DNAJC11: variants seen among roughly 807,000 people sequenced by gnomAD.
DNAJC11 encodes the protein DnaJ heat shock protein family (Hsp40) member C11, also known as dnaJ homolog subfamily C member 11.
Under a neutral mutation model 78.6 loss-of-function variants are expected in DNAJC11, and 15 were observed. That is an observed-to-expected ratio of 0.19 (90% CI 0.13 to 0.29). The LOEUF is 0.29. DNAJC11 is among the 10% of genes least tolerant of loss of function. DNAJC11 has a pLI of 1.00. For missense variants in DNAJC11, 547 were observed against 709.6 expected (o/e 0.77, Z 2.60); for synonymous variants, 292 against 272.1 (o/e 1.07, Z -0.72).
chr1:6,655,799 ACT>A (rs554826843), intron 4 of DNAJC11, among the ~76,000 whole-genome samples: 267 of 151,860 alleles, frequency 1.8e-3, no homozygotes, highest in African/African-American at 6.1e-3. Flanking sequence ...ACAGAGCAAG[ACT>A]CTGTCTCAAA....
intron 4 of DNAJC11, among the ~76,000 whole-genome samples, chr1:6,661,280 GT>G (rs1401700023): frequency 2.0e-5 from 3 of 152,176 alleles, no homozygotes; most frequent in Non-Finnish European, 4.4e-5. Context: ...AAATTCACCT[GT>G]TTTATAACTG....
At position 6,689,599 on chromosome 1, in the gene DNAJC11, C is replaced by G. The variant is rs1160254295; in HGVS notation, c.73-8562G>C. 2.0e-5 allele frequency among the ~76,000 whole-genome samples: 3 copies of G among 152,010 alleles called. 1 individual carries two copies. The highest frequency in any genetic ancestry group is 7.3e-5 in the African/African-American group (3 of 41,376). On this transcript the variant is annotated intron_variant, in intron 1 of 15. Transcript: ENST00000377577. ...GGTTGGGAGTTCCAGACCAGCTTGA[C>G]CAACATGGAGAAACCCTGTCTCTGG...
intron 4 of DNAJC11, among the ~76,000 whole-genome samples, chr1:6,663,556 A>G (rs1642250499): frequency 6.6e-6 from 1 of 152,246 alleles, no homozygotes; most frequent in African/African-American, 2.4e-5. Context: ...AGAAATGCGG[A>G]TGGATTATGC....
intron 3 of DNAJC11, among the ~76,000 whole-genome samples, chr1:6,668,391 G>A (rs559636722): frequency 6.6e-6 from 1 of 152,054 alleles, no homozygotes; most frequent in African/African-American, 2.4e-5. Context: ...CACCCACCTC[G>A]GCCTCCGGAA....
At chr1:6,643,564 A>C (rs561803269) in intron 10 of DNAJC11, among the ~76,000 whole-genome samples, 214 of 152,188 alleles carry the variant, frequency 1.4e-3, no homozygotes, top group African/African-American at 3.9e-3. Context: ...TGTGAGCCAC[A>C]GTGCCCGGCC....
intron 1 of DNAJC11, among the ~76,000 whole-genome samples, chr1:6,691,272 G>A (rs1011379688): frequency 1.4e-5 from 2 of 145,588 alleles, no homozygotes; most frequent in African/African-American, 5.0e-5. Flanking sequence ...CACACATCTC[G>A]GCTACAATCA....
intron 12 of DNAJC11, 181 bp from the exon 13 acceptor site, chr1:6,637,685 T>C: frequency 1.5e-6 from 1 of 663,640 alleles, no homozygotes; most frequent in Non-Finnish European, 2.6e-6. Context: ...CTCCTAGACC[T>C]AGGGCAGGCA....
At chr1:6,693,472 C>T (rs1192433545) in intron 1 of DNAJC11, among the ~76,000 whole-genome samples, 1 of 152,170 alleles carries the variant, frequency 6.6e-6, no homozygotes, top group Non-Finnish European at 1.5e-5. Context: ...CAAACTCCAT[C>T]TCCCGGGTTC....
chr1:6,648,617 T>C (rs188443758), intron 7 of DNAJC11, among the ~76,000 whole-genome samples: 5 of 152,074 alleles, frequency 3.3e-5, no homozygotes, highest in African/African-American at 1.2e-4. Flanking sequence ...CTACCACACC[T>C]GGTTAATTTT....
chr1:6,669,548 A>AAGAAAAGAAG (rs1161894110), intron 3 of DNAJC11, among the ~76,000 whole-genome samples: 5 of 151,598 alleles, frequency 3.3e-5, no homozygotes, highest in African/African-American at 1.2e-4. Flanking sequence ...AAGAAAAGAA[A>AAGAAAAGAAG]AGAAAAGAAA....
intron 3 of DNAJC11, among the ~76,000 whole-genome samples, chr1:6,668,452 T>A (rs965980641): frequency 6.6e-6 from 1 of 152,168 alleles, no homozygotes; most frequent in Admixed American, 6.5e-5. Context: ...TTAAATTTCA[T>A]AGTGTAAATT....
intron 15 of DNAJC11, 99 bp downstream of exon 15, chr1:6,636,018 C>T (rs1356813667): frequency 1.7e-5 from 25 of 1,475,576 alleles, no homozygotes; most frequent in Non-Finnish European, 2.3e-5. Flanking sequence ...AGGTGGGCAG[C>T]TGAGGAAGGT....
At position 6,698,553 on chromosome 1, in the gene DNAJC11, C is replaced by T. The variant is rs571328472; in HGVS notation, c.72+3176G>A. 2.0e-5 allele frequency among the ~76,000 whole-genome samples: 3 copies of T among 151,320 alleles called. No individual in the cohort carries two copies. In the South Asian group the frequency reaches 6.3e-4, roughly 32 times the overall value. ...ACAGAAAGTGACTTCTGCAAGGGAG[C>T]ATGTTTCATATGGATTTAACCTATA... is the stretch of plus-strand genomic sequence containing the variant. On this transcript the variant is annotated intron_variant, in intron 1 of 15. Coordinates refer to ENST00000377577, the MANE Select transcript of DNAJC11 (RefSeq NM_018198.4).
chr1:6,669,530 G>T (rs1642344915), intron 3 of DNAJC11, among the ~76,000 whole-genome samples: 1 of 144,992 alleles, frequency 6.9e-6, no homozygotes, highest in Non-Finnish European at 1.5e-5. Flanking sequence ...GAAAAGAAAA[G>T]AAAAGAAAAG....
Position 6,655,909 on chromosome 1 carries a change from A to G in DNAJC11, c.379-1870T>C, listed in dbSNP as rs1013868036. On this transcript the variant is annotated intron_variant, in intron 4 of 15. Transcript: ENST00000377577. ...ACGAAGTCAGGAGTTTGAGACCAAC[A>G]TGACCAACATGGTGAAACCCCATCT... is the stretch of plus-strand genomic sequence containing the variant. Among the ~76,000 whole-genome samples the G allele has an allele frequency of 7.2e-5, 11 of 152,024 alleles. No individual in the cohort carries two copies. The East Asian group carries it at 9.7e-4, about 13-fold the overall frequency.
intron 1 of DNAJC11, among the ~76,000 whole-genome samples, chr1:6,689,010 A>C (rs1015827162): frequency 6.6e-5 from 10 of 152,194 alleles, no homozygotes; most frequent in African/African-American, 2.4e-4. Context: ...CATCACCACA[A>C]AGTAGCCAGA....
intron 1 of DNAJC11, among the ~76,000 whole-genome samples, chr1:6,692,757 T>C (rs1642765989): frequency 1.3e-5 from 2 of 151,432 alleles, no homozygotes; most frequent in South Asian, 4.2e-4. Flanking sequence ...ATTACAGGCA[T>C]TTGCCACCAC....
intron 4 of DNAJC11, among the ~76,000 whole-genome samples, chr1:6,655,766 G>C (rs925349787): frequency 1.3e-5 from 2 of 151,898 alleles, no homozygotes; most frequent in Non-Finnish European, 2.9e-5. Context: ...CCAAGATTGC[G>C]CCACTGCACT....
chr1:6,660,608 A>G (rs1241847136), intron 4 of DNAJC11, among the ~76,000 whole-genome samples: 1 of 152,180 alleles, frequency 6.6e-6, no homozygotes, highest in Non-Finnish European at 1.5e-5. Flanking sequence ...CCCAAATTAA[A>G]TTACTTTGCG....
Sources: allele counts gnomAD v4.1 joint callset (sites outside exome capture counted in the v4.1 genomes callset), GRCh38; gene constraint gnomAD v4.1.1; transcripts MANE v1.5; gene names NCBI Gene and HGNC (gene_info 2026-07-23, HGNC 2026-07-21).